Variants in ST3GAL5 observed in about 807,000 individuals in gnomAD.
ST3GAL5 encodes lactosylceramide alpha-2,3-sialyltransferase.
In ST3GAL5, 25 loss-of-function variants were observed where a neutral mutation model predicts 46.1. The observed-to-expected ratio is 0.54, with a 90% CI of 0.40 to 0.76. The LOEUF is 0.76. ST3GAL5 is among the 30% of genes least tolerant of loss of function. The pLI, the probability that ST3GAL5 is intolerant of heterozygous loss-of-function variation, is 0.00. For synonymous variants in ST3GAL5, 182 were observed against 192.7 expected, an observed-to-expected ratio of 0.94 and a Z score of 0.46; for missense variants, 431 against 521.2, an observed-to-expected ratio of 0.83 and a Z score of 1.69.
chr2:85,849,998 A>C (rs1261685409), intron 3 of ST3GAL5: 3 of 152,144 alleles, frequency 2.0e-5, no homozygotes, highest in Admixed American at 6.5e-5. Context: ...GTTCATCCCA[A>C]CTATGCTTTT....
At chr2:85,885,837 GA>G (rs911883826) in intron 1 of ST3GAL5, among the ~76,000 whole-genome samples, 13 of 143,952 alleles carry the variant, frequency 9.0e-5, no homozygotes, top group Middle Eastern at 7.1e-3. Flanking sequence ...AAAAAAAAAA[GA>G]AAAAAAAAAC....
At chr2:85,869,809 C>A (rs563370163) in intron 1 of ST3GAL5, among the ~76,000 whole-genome samples, 1 of 152,272 alleles carries the variant, frequency 6.6e-6, no homozygotes, top group Admixed American at 6.5e-5. Flanking sequence ...TCCCAACGGA[C>A]AAAGGATGAC....
rs778265926 is a variant in ST3GAL5 at position 85,863,421 on chromosome 2, C to T, written c.147G>A (p.Trp49Ter). The T allele has an allele frequency of 3.1e-6, 5 of 1,614,036 alleles. No individual in the cohort carries two copies. Among genetic ancestry groups the T allele is most frequent in the Non-Finnish European group, 4.2e-6 (5 of 1,180,042 alleles). Residue 49 changes from tryptophan (W) to a stop codon, truncating the protein, a stop_gained, in exon 2 of 7, where the codon TGG becomes TGA. Transcript: ENST00000638572. LOFTEE classifies it high-confidence loss of function. The stretch of plus-strand genomic sequence containing the variant: ...TCATCTTGCTTTGAGCTCGGGTGTA[C>T]CATTGCAGGGAAGGCCTCGAGCAAT... ...RSDCSRPSLQ[W>*]YTRAQSKMRR...
At position 85,840,364 on chromosome 2, in the gene ST3GAL5, A is replaced by G. The variant is rs1681872535; in HGVS notation, c.1037T>C (p.Val346Ala). The change falls in exon 7 of 7, where the codon GTT (valine) becomes GCT (alanine). Residue 346 changes from valine to alanine, a missense_variant. Physicochemically the swap from Val to Ala is moderately conservative, Grantham distance 64. Transcript: ENST00000638572. ...KNVPTIGVIA[V>A]VLATHLCDEV... is the part of the protein sequence containing the mutation. Reference sequence around the variant, plus strand: ...ATCGCACAGATGTGTGGCTAAGACAACGGCAATGACACCGATTGTGGGGAC... The same window carrying G: ...ATCGCACAGATGTGTGGCTAAGACAGCGGCAATGACACCGATTGTGGGGAC... 6.2e-7 allele frequency: 1 copy of G among 1,614,076 alleles called. No individual in the cohort carries two copies. Among genetic ancestry groups the G allele is most frequent in the African/African-American group, 1.3e-5 (1 of 74,942 alleles).
At chr2:85,869,337 G>A (rs1685652385) in intron 1 of ST3GAL5, among the ~76,000 whole-genome samples, 1 of 150,742 alleles carries the variant, frequency 6.6e-6, no homozygotes, top group East Asian at 2.0e-4. Flanking sequence ...GAGCCACCAT[G>A]CATGGCCTGG....
chr2:85,888,215 C>G (rs1342211706), intron 1 of ST3GAL5: 1 of 152,250 alleles, frequency 6.6e-6, no homozygotes, highest in Non-Finnish European at 1.5e-5. Context: ...TCGGAAAACC[C>G]TGCGTTACTT....
rs113736798 is a variant in ST3GAL5 at position 85,852,792 on chromosome 2, T to C, written c.319-4588A>G. 1,371 of 1,026,332 alleles carry C rather than the reference T, an allele frequency of 1.3e-3. 15 individuals are homozygous for C. In the African/African-American group the frequency reaches 0.019, roughly 14 times the overall value. The allele number at this position is 1,026,332 out of a possible 1,614,324, so 63.6% of individuals were successfully genotyped here. On this transcript the variant is annotated intron_variant, in intron 3 of 6. Coordinates refer to ENST00000638572, the MANE Select transcript of ST3GAL5 (RefSeq NM_003896.4). ...TCTGGAGGCTGGACTCAGTTCTAGA[T>C]TGATTTAACTAGCAGCGTCGTCTTT...
intron 5 of ST3GAL5, chr2:85,844,905 C>T (rs1222361696): frequency 8.5e-6 from 3 of 354,324 alleles, no homozygotes; most frequent in African/African-American, 4.2e-5. Context: ...CTGAAACTGC[C>T]CTCACCTCGC....
chr2:85,888,863 G>A lies in ST3GAL5; in HGVS notation c.43C>T (p.Gln15Ter). ...GCCGCCGCTGCCTCGGTCCGCGGCT[G>A]CAGGGGACGCCGCTCCGCGCAGCCC... ...AAGCAERRPLQPRTEAAAAPA... is the reference protein window; with the variant it reads ...AAGCAERRPL Residue 15 changes from glutamine (Q) to a stop codon, truncating the protein, a stop_gained, in exon 1 of 7, where the codon CAG becomes TAG. Transcript: ENST00000638572. LOFTEE classifies it high-confidence loss of function. The A allele has an allele frequency of 7.4e-7, 1 of 1,359,538 alleles. No individual in the cohort carries two copies. Among genetic ancestry groups the A allele is most frequent in the Non-Finnish European group, 9.5e-7 (1 of 1,048,964 alleles). 84.2% of individuals were successfully genotyped at this position (1,359,538 alleles called of 1,614,324 possible).
intron 1 of ST3GAL5, 21 bp downstream of exon 1, chr2:85,888,803 G>C: frequency 8.3e-7 from 1 of 1,204,346 alleles, no homozygotes; most frequent in Non-Finnish European, 1.0e-6. Flanking sequence ...GCGACGCCGA[G>C]GAGGGGGCTG....
chr2:85,888,785 G>T, intron 1 of ST3GAL5, 39 bp downstream of exon 1: 1 of 1,178,886 alleles, frequency 8.5e-7, no homozygotes, highest in Non-Finnish European at 1.0e-6. Flanking sequence ...CCCAGCCCGC[G>T]GGCCCCCGCG....
intron 3 of ST3GAL5, chr2:85,854,076 C>T (rs1047998696): frequency 2.0e-5 from 3 of 152,158 alleles, no homozygotes; most frequent in Non-Finnish European, 2.9e-5. Context: ...TACACAGCTG[C>T]CCCCCATTCC....
At chr2:85,848,827 G>A in intron 3 of ST3GAL5, 3 of 154,976 alleles carry the variant, frequency 1.9e-5, no homozygotes, top group Non-Finnish European at 4.3e-5. Context: ...TAATTATGAT[G>A]GTAAATTTTA....
intron 1 of ST3GAL5, chr2:85,867,685 C>A: frequency 1.3e-6 from 1 of 780,308 alleles, no homozygotes; most frequent in Non-Finnish European, 2.4e-6. Context: ...AGGGTGTATA[C>A]ACCCAGGTCT....
intron 3 of ST3GAL5, chr2:85,851,254 C>T (rs958097643): frequency 1.8e-6 from 2 of 1,092,964 alleles, no homozygotes; most frequent in South Asian, 2.6e-5. Context: ...GCACATTTCT[C>T]AGTAGTCACC....
chr2:85,857,066 C>CAAAAAA (rs373154047), intron 3 of ST3GAL5, among the ~76,000 whole-genome samples: 8 of 70,936 alleles, frequency 1.1e-4, no homozygotes, highest in Admixed American at 1.8e-4. Flanking sequence ...CTGCCTCTAC[C>CAAAAAA]AAAAAAAAAA....
At chr2:85,851,185 G>T in intron 3 of ST3GAL5, 1 of 974,366 alleles carries the variant, frequency 1.0e-6, no homozygotes, top group Non-Finnish European at 1.2e-6. Context: ...AAAGTTCTGG[G>T]ATTATAGATG....
At chr2:85,881,758 T>C (rs1044261962) in intron 1 of ST3GAL5, among the ~76,000 whole-genome samples, 2 of 121,906 alleles carry the variant, frequency 1.6e-5, no homozygotes, top group African/African-American at 6.5e-5. Flanking sequence ...AGCATAAAAG[T>C]TGAGAAAATT....
Position 85,867,815 on chromosome 2 carries a change from G to A in ST3GAL5, c.83-4330C>T, listed in dbSNP as rs1685449406. 4.7e-6 allele frequency: 3 copies of A among 643,552 alleles called. No homozygotes were observed. In the Admixed American group the frequency reaches 6.8e-5, roughly 15 times the overall value. 39.9% of individuals were successfully genotyped at this position (643,552 alleles called of 1,614,324 possible). A position where few individuals can be genotyped will look rare whatever the true frequency, so the allele number is the denominator to read the frequency against. ...CAAGACTGTTTTGACCTAAGGGCAA[G>A]ATTTACAGTAAGTATATGAAAGTAG... On this transcript the variant is annotated intron_variant, in intron 1 of 6. Transcript: ENST00000638572.
Sources: allele counts gnomAD v4.1 joint callset (sites outside exome capture counted in the v4.1 genomes callset), GRCh38; gene constraint gnomAD v4.1.1; transcripts MANE v1.5; gene names NCBI Gene and HGNC (gene_info 2026-07-23, HGNC 2026-07-21).